The following MCM3AP variants were observed in gnomAD, a reference collection of about 807,000 sequenced individuals.
MCM3AP encodes the protein germinal-center associated nuclear protein.
A neutral mutation model predicts 184.1 loss-of-function variants in MCM3AP; 126 were observed. The ratio of observed to expected loss-of-function variants is 0.68; its 90% CI spans 0.59 to 0.79. The LOEUF is 0.79. MCM3AP is among the 30% of genes least tolerant of loss of function. The pLI is 0.00. For missense variants in MCM3AP, 2,496 were observed against 2,479.2 expected (o/e 1.01, Z -0.14); for synonymous variants, 1,002 against 979.3 (o/e 1.02, Z -0.43).
Position 46,266,122 on chromosome 21 carries a change from A to G in MCM3AP, c.2834T>C (p.Leu945Ser). 1.2e-6 allele frequency: 2 copies of G among 1,611,852 alleles called. No homozygotes were observed. Among genetic ancestry groups the G allele is most frequent in the Non-Finnish European group, 1.7e-6 (2 of 1,179,040 alleles). Reference sequence around the variant, plus strand: ...AAACACCGACTTCCTGGTCTTGGATAATCCCTCTGGTTCCAGGAATGCAGA... The same window carrying G: ...AAACACCGACTTCCTGGTCTTGGATGATCCCTCTGGTTCCAGGAATGCAGA... Reference protein sequence around the residue: ...NRSAFLEPEGLSKTRKSVFIT... With the variant: ...NRSAFLEPEGSSKTRKSVFIT... The change falls in exon 11 of 28, where the codon TTA (leucine) becomes TCA (serine). Residue 945 changes from leucine to serine, a missense_variant. By Grantham distance (145) the Leu-to-Ser change is moderately radical. This residue lies in a region of MCM3AP where 138 missense variants were observed against 191.9 expected (regional missense o/e 0.72). Transcript: ENST00000291688.
chr21:46,265,384 G>T lies in MCM3AP; in HGVS notation c.3171C>A (p.Leu1057=). ...LALTPSVAPS[L]FQLSVQPEPP... is the part of the protein sequence containing the mutation. ...GTTCAGGCTGCACAGACAGCTGGAA[G>T]AGGCTGGGCGCCACAGACGGGGTCA... Residue 1057 remains leucine (L), a synonymous_variant, in exon 12 of 28, where the codon CTC becomes CTA. Coordinates refer to ENST00000291688, the MANE Select transcript of MCM3AP (RefSeq NM_003906.5). 1 of 1,614,110 alleles carries T rather than the reference G, an allele frequency of 6.2e-7. No individual in the cohort carries two copies. The highest frequency in any genetic ancestry group is 8.5e-7 in the Non-Finnish European group (1 of 1,180,040).
chr21:46,254,624 A>C, intron 18 of MCM3AP, 98 bp from the exon 19 acceptor site: 1 of 1,513,676 alleles, frequency 6.6e-7, no homozygotes, highest in Non-Finnish European at 9.1e-7. Flanking sequence ...TTGGAGGAAA[A>C]TCAGGTTCAG....
chr21:46,249,657 T>C (rs1417912377), intron 20 of MCM3AP: 1 of 441,590 alleles, frequency 2.3e-6, no homozygotes, highest in African/African-American at 2.0e-5. Flanking sequence ...GCATGACATA[T>C]AACATCCAAC....
intron 9 of MCM3AP, among the ~76,000 whole-genome samples, chr21:46,269,004 C>G (rs1044189700): frequency 1.3e-5 from 2 of 152,174 alleles, no homozygotes; most frequent in Non-Finnish European, 2.9e-5. Context: ...TGCCACTGCA[C>G]TCCAGCCTGG....
intron 3 of MCM3AP, 58 bp downstream of exon 3, chr21:46,280,439 C>T: frequency 7.7e-7 from 1 of 1,302,682 alleles, no homozygotes; most frequent in Non-Finnish European, 1.1e-6. Flanking sequence ...GATCTCATCT[C>T]TATAAAATAA....
intron 8 of MCM3AP, among the ~76,000 whole-genome samples, chr21:46,271,581 C>T (rs893683129): frequency 3.3e-5 from 5 of 151,702 alleles, no homozygotes; most frequent in Non-Finnish European, 7.4e-5. Context: ...TAAAATCAGC[C>T]GGGCATGGAG....
intron 4 of MCM3AP, among the ~76,000 whole-genome samples, chr21:46,279,581 T>C (rs904396405): frequency 1.3e-5 from 2 of 152,194 alleles, no homozygotes; most frequent in Non-Finnish European, 2.9e-5. Context: ...GAAAGGTCTG[T>C]ACCAGCTATA....
chr21:46,279,403 C>T (rs17176254), intron 4 of MCM3AP, among the ~76,000 whole-genome samples: 321 of 152,328 alleles, frequency 2.1e-3, no homozygotes, highest in Admixed American at 3.9e-3. Context: ...GGATTCAGGA[C>T]GAGTTAGATG....
intron 26 of MCM3AP, among the ~76,000 whole-genome samples, chr21:46,240,450 A>G (rs2080640999): frequency 6.6e-6 from 1 of 152,158 alleles, no homozygotes; most frequent in East Asian, 1.9e-4. Flanking sequence ...ACAGCATGGG[A>G]TGATCCACCA....
intron 12 of MCM3AP, among the ~76,000 whole-genome samples, chr21:46,264,772 C>T (rs2081087319): frequency 7.1e-6 from 1 of 140,350 alleles, no homozygotes; most frequent in Non-Finnish European, 1.5e-5. Context: ...ACCCCGAGGC[C>T]ACGCCTATCA....
At chr21:46,243,333 G>A in intron 24 of MCM3AP, 132 bp downstream of exon 24, 1 of 1,082,100 alleles carries the variant, frequency 9.2e-7, no homozygotes, top group Middle Eastern at 3.0e-4. Flanking sequence ...ACTTGAAGAG[G>A]GAAGTCCTAA....
chr21:46,235,517 A>T, intron 27 of MCM3AP, 91 bp from the exon 28 acceptor site: 1 of 1,071,748 alleles, frequency 9.3e-7, no homozygotes, highest in Non-Finnish European at 1.4e-6. Flanking sequence ...ATCATGTTAG[A>T]AACCTCATCT....
chr21:46,269,641 A>G (rs1337979601), intron 9 of MCM3AP, among the ~76,000 whole-genome samples: 3 of 152,176 alleles, frequency 2.0e-5, no homozygotes, highest in African/African-American at 7.2e-5. Context: ...AGGATCTCCC[A>G]GGCAGCATCC....
chr21:46,241,263 G>A, intron 25 of MCM3AP: 1 of 441,506 alleles, frequency 2.3e-6, no homozygotes, highest in Admixed American at 4.1e-5. Flanking sequence ...CAGAGGCATT[G>A]AGACTGCCTG....
In MCM3AP at chr21:46,258,990, G is replaced by C; in HGVS notation, c.3683C>G (p.Thr1228Ser). ...DLFLVEEIFQ[T>S]AKETLQELQC... Reference sequence around the variant, plus strand: ...AAGCTCCTGGAGGGTCTCCTTTGCAGTCTGGAAGATTTCCTCCACGAGAAA... The same window carrying C: ...AAGCTCCTGGAGGGTCTCCTTTGCACTCTGGAAGATTTCCTCCACGAGAAA... Residue 1228 changes from threonine (T) to serine (S), a missense_variant, in exon 16 of 28, where the codon ACT (threonine) becomes AGT (serine). Transcript: ENST00000291688. 1 of 1,614,118 alleles carries C rather than the reference G, an allele frequency of 6.2e-7. No homozygotes were observed. Among genetic ancestry groups the C allele is most frequent in the Non-Finnish European group, 8.5e-7 (1 of 1,180,018 alleles).
chr21:46,284,473 G>A lies in MCM3AP; in HGVS notation c.814C>T (p.Gln272Ter). 1 of 1,614,166 alleles carries A rather than the reference G, an allele frequency of 6.2e-7. No homozygotes were observed. Among genetic ancestry groups the A allele is most frequent in the East Asian group, 2.2e-5 (1 of 44,884 alleles). The stretch of plus-strand genomic sequence containing the variant: ...TGGGAAACAGCTTCTTCACACCCCT[G>A]CCTGACACCTGCTTTGCTAGCCTGG... ...PFQASKAGVRQGCEEAVSQVE... is the reference protein window; with the variant it reads ...PFQASKAGVR The change falls in exon 1 of 28, where the codon CAG becomes TAG. Residue 272 changes from glutamine to a stop codon, truncating the protein, a stop_gained. Coordinates refer to ENST00000291688, the MANE Select transcript of MCM3AP (RefSeq NM_003906.5). LOFTEE classifies it high-confidence loss of function.
intron 7 of MCM3AP, 33 bp downstream of exon 7, chr21:46,273,355 T>C (rs2081209236): frequency 3.1e-6 from 5 of 1,593,066 alleles, no homozygotes; most frequent in Middle Eastern, 1.7e-4. Flanking sequence ...TTTGCGTGGA[T>C]TTTTTAGCAT....
intron 24 of MCM3AP, 54 bp from the exon 25 acceptor site, chr21:46,242,985 C>CAA (rs56371413): frequency 6.5e-4 from 666 of 1,018,962 alleles, no homozygotes; most frequent in South Asian, 1.5e-3. Context: ...AACCCTGTCT[C>CAA]AAAAAAAAAA....
At position 46,240,961 on chromosome 21, in the gene MCM3AP, T is replaced by A. The variant is rs767447403; in HGVS notation, c.5483A>T (p.His1828Leu). 1 of 1,614,208 alleles carries A rather than the reference T, an allele frequency of 6.2e-7. No individual in the cohort carries two copies. The highest frequency in any genetic ancestry group is 8.5e-7 in the Non-Finnish European group (1 of 1,180,040). Reference protein sequence around the residue: ...SANNFPIPLLHMHRNWKRSTE... With the variant: ...SANNFPIPLLLMHRNWKRSTE... The stretch of plus-strand genomic sequence containing the variant: ...GCTCCTCTTCCAGTTACGGTGCATG[T>A]GAAGCAATGGTATGGGAAAATTGTT... The change falls in exon 26 of 28, where the codon CAC becomes CTC. Residue 1828 changes from histidine (H) to leucine (L), a missense_variant. By Grantham distance (99) the His-to-Leu change is moderately conservative (BLOSUM62 -3). This residue lies in a region of MCM3AP where 1,323 missense variants were observed against 1,273.4 expected (regional missense o/e 1.04). Transcript: ENST00000291688.
Sources: gnomAD v4.1 joint callset for allele counts (sites outside exome capture counted in the v4.1 genomes callset) on GRCh38, gnomAD v4.1.1 for gene constraint, gnomAD v4.1.1 regional missense constraint, MANE v1.5 for transcripts, NCBI Gene and HGNC (gene_info 2026-07-23, HGNC 2026-07-21) for gene names.